The following MARCHF7 variants were observed in gnomAD, a reference collection of about 807,000 sequenced individuals.
MARCHF7 encodes the protein E3 ubiquitin-protein ligase MARCHF7.
Under a neutral mutation model 76.5 loss-of-function variants are expected in MARCHF7, and 20 were observed. The ratio of observed to expected loss-of-function variants is 0.26; its 90% confidence interval spans 0.18 to 0.38. MARCHF7 has a LOEUF of 0.38. Among genes scored for constraint, MARCHF7 ranks in the 10% least tolerant of loss-of-function variants. MARCHF7 has a pLI of 1.00. For missense variants in MARCHF7, 797 were observed against 812.9 expected (o/e 0.98, Z 0.24); for synonymous variants, 295 against 293.0 (o/e 1.01, Z -0.07).
chr2:159,745,953 A>G lies in MARCHF7; in HGVS notation c.514+16A>G. ...ACTTCATCATGTATGTATAAATTAC[A>G]TCAAGTATAACTTCTCATAATGTTC... On this transcript the variant is annotated intron_variant, in intron 6 of 11. Coordinates refer to ENST00000409175, the MANE Select transcript of MARCHF7 (RefSeq NM_001282805.2). 1 of 1,598,316 alleles carries G rather than the reference A, an allele frequency of 6.3e-7. No homozygotes were observed. The highest frequency in any genetic ancestry group is 1.8e-4 in the Middle Eastern group (1 of 5,642).
chr2:159,731,842 C>T (rs752069305), intron 4 of MARCHF7, among the ~76,000 whole-genome samples: 3 of 152,028 alleles, frequency 2.0e-5, no homozygotes, highest in African/African-American at 2.4e-5. Context: ...CAGTGGCTCA[C>T]GCCTGTAATC....
chr2:159,766,027 TTTCTTAAACATAGTATTGTCTGCTCC>T (rs1216582253), intron 11 of MARCHF7, among the ~76,000 whole-genome samples: 4 of 152,032 alleles, frequency 2.6e-5, no homozygotes, highest in Non-Finnish European at 5.9e-5. Flanking sequence ...TAAAATTTAG[TTTCTTAAACATAGTATTGTCTGCTCC>T]TAACATGTGG....
At chr2:159,764,304 G>T (rs1420953546) in intron 10 of MARCHF7, among the ~76,000 whole-genome samples, 2 of 149,836 alleles carry the variant, frequency 1.3e-5, no homozygotes, top group Admixed American at 6.7e-5. Context: ...TACAAGGGTG[G>T]TTTTTTGTTT....
chr2:159,729,747 G>C (rs1043382871), intron 4 of MARCHF7, among the ~76,000 whole-genome samples: 1 of 151,470 alleles, frequency 6.6e-6, no homozygotes, highest in African/African-American at 2.4e-5. Context: ...TAACTAAACT[G>C]GTCAATCAAT....
intron 11 of MARCHF7, among the ~76,000 whole-genome samples, chr2:159,766,489 G>A (rs1707776171): frequency 1.3e-5 from 2 of 152,112 alleles, no homozygotes; most frequent in South Asian, 4.1e-4. Context: ...AAAGATGCTG[G>A]TTAGATGTTT....
rs773754967 is a variant in MARCHF7 at position 159,762,934 on chromosome 2, T to C, written c.1948T>C (p.Cys650Arg). 1 of 1,613,368 alleles carries C rather than the reference T, an allele frequency of 6.2e-7. No individual in the cohort carries two copies. Among genetic ancestry groups the C allele is most frequent in the Non-Finnish European group, 8.5e-7 (1 of 1,179,740 alleles). Residue 650 changes from cysteine (C) to arginine (R), a missense_variant, in exon 10 of 12, where the codon TGC becomes CGC. By Grantham distance (180) the Cys-to-Arg change is radical. Coordinates refer to ENST00000409175, the MANE Select transcript of MARCHF7 (RefSeq NM_001282805.2). ...GLYLVVLLHL[C>R]EQSFSDMMGN... Reference sequence around the variant, plus strand: ...CTACCTAGTGGTGTTATTGCACTTGTGCGAACAAAGCTTTTCTGATATGAT... The same window carrying C: ...CTACCTAGTGGTGTTATTGCACTTGCGCGAACAAAGCTTTTCTGATATGAT...
chr2:159,764,536 T>A, intron 10 of MARCHF7, 90 bp from the exon 11 acceptor site: 1 of 1,001,326 alleles, frequency 1.0e-6, no homozygotes, highest in Non-Finnish European at 1.4e-6. Flanking sequence ...GTTTGACTTT[T>A]TAAGTAGAAA....
chr2:159,728,544 T>C (rs761196394), intron 3 of MARCHF7, among the ~76,000 whole-genome samples: 4 of 152,156 alleles, frequency 2.6e-5, no homozygotes, highest in Non-Finnish European at 4.4e-5. Context: ...GGTACTTGTG[T>C]TTAAACAGAT....
At chr2:159,743,607 C>G (rs144774247) in intron 5 of MARCHF7, among the ~76,000 whole-genome samples, 12 of 152,158 alleles carry the variant, frequency 7.9e-5, no homozygotes, top group African/African-American at 2.9e-4. Context: ...TTAAGCATGT[C>G]TTATATAAAT....
Position 159,733,543 on chromosome 2 carries a change from C to T in MARCHF7, c.153+4368C>T, listed in dbSNP as rs1406877401. ...ATGAGCTACTGCACCTGGCCAGAGG[C>T]AACATTAAAAAAAAAAAAAAAAGAT... On this transcript the variant is annotated intron_variant, in intron 4 of 11. Transcript: ENST00000409175. 7.5e-6 allele frequency: 7 copies of T among 927,638 alleles called. No individual in the cohort carries two copies. In the African/African-American group the frequency reaches 1.5e-4, roughly 20 times the overall value. 57.5% of individuals were successfully genotyped at this position (927,638 alleles called of 1,614,324 possible).
At chr2:159,761,410 T>TTTTTTG in intron 9 of MARCHF7, among the ~76,000 whole-genome samples, 1 of 48,518 alleles carries the variant, frequency 2.1e-5, no homozygotes, top group Non-Finnish European at 4.4e-5. Flanking sequence ...TCATTTCTTT[T>TTTTTTG]TTTTTTTTTT....
At chr2:159,736,039 A>T (rs1703415376) in intron 4 of MARCHF7, among the ~76,000 whole-genome samples, 2 of 152,178 alleles carry the variant, frequency 1.3e-5, no homozygotes, top group South Asian at 2.1e-4. Flanking sequence ...AGGTGGAAGG[A>T]TCCCTTAAGC....
At chr2:159,745,348 G>A (rs1704722833) in intron 5 of MARCHF7, among the ~76,000 whole-genome samples, 1 of 151,950 alleles carries the variant, frequency 6.6e-6, no homozygotes, top group Non-Finnish European at 1.5e-5. Context: ...TATATAACCG[G>A]GGATTCTCAT....
At chr2:159,755,373 G>T (rs1417390469) in intron 8 of MARCHF7, among the ~76,000 whole-genome samples, 1 of 152,138 alleles carries the variant, frequency 6.6e-6, no homozygotes, top group African/African-American at 2.4e-5. Context: ...TCTGGTCTTG[G>T]ATGTTGAAAC....
chr2:159,736,186 G>A (rs982666973), intron 4 of MARCHF7, among the ~76,000 whole-genome samples: 2 of 152,166 alleles, frequency 1.3e-5, no homozygotes, highest in African/African-American at 4.8e-5. Context: ...ATCGTTTGGG[G>A]AACTGCCATA....
At chr2:159,742,247 ATTT>A (rs879452204) in intron 4 of MARCHF7, among the ~76,000 whole-genome samples, 1 of 146,418 alleles carries the variant, frequency 6.8e-6, no homozygotes, top group Admixed American at 6.9e-5. Flanking sequence ...TGATGTTAGG[ATTT>A]TTTTTTTTTG....
At chr2:159,763,040 T>C in intron 10 of MARCHF7, 47 bp downstream of exon 10, 1 of 1,206,888 alleles carries the variant, frequency 8.3e-7, no homozygotes, top group Non-Finnish European at 1.2e-6. Context: ...ATGCAGCAAG[T>C]GTATGCCTTG....
intron 6 of MARCHF7, among the ~76,000 whole-genome samples, chr2:159,747,296 T>C (rs550579285): frequency 6.6e-6 from 1 of 152,162 alleles, no homozygotes; most frequent in South Asian, 2.1e-4. Flanking sequence ...ATTGGAAAAA[T>C]TTTTAGCTAT....
At chr2:159,716,703 T>C (rs1701081660) in intron 3 of MARCHF7, among the ~76,000 whole-genome samples, 1 of 152,168 alleles carries the variant, frequency 6.6e-6, no homozygotes, top group Admixed American at 6.5e-5. Context: ...CTTTGTGCCA[T>C]GAGTTTATCC....
Sources: allele counts gnomAD v4.1 joint callset (sites outside exome capture counted in the v4.1 genomes callset), GRCh38; gene constraint gnomAD v4.1.1; transcripts MANE v1.5; gene names NCBI Gene and HGNC (gene_info 2026-07-23, HGNC 2026-07-21).